The following ZNF66 variants were observed in gnomAD, a reference collection of about 807,000 sequenced individuals.
ZNF66 encodes zinc finger protein 66.
In ZNF66, 32 loss-of-function variants were observed where a neutral mutation model predicts 35.2. That is an observed-to-expected ratio of 0.91 (90% CI 0.69 to 1.22). The LOEUF is 1.22. ZNF66 is among the 50% of genes most tolerant of loss of function. The pLI, the probability that ZNF66 is intolerant of heterozygous loss-of-function variation, is 0.00. For synonymous variants in ZNF66, 231 were observed against 181.3 expected (o/e 1.27, Z -2.20); for missense variants, 666 against 543.1 (o/e 1.23, Z -2.25).
rs1038757534 is a variant in ZNF66 at position 20,809,045 on chromosome 19, C to T, written c.*1723C>T. On this transcript the variant is annotated 3_prime_UTR_variant, in exon 4 of 4. Coordinates refer to ENST00000344519, the MANE Select transcript of ZNF66 (RefSeq NM_001355197.2). ...AGAACTACGTGAAGAATGCAGAAGC[C>T]TCAGGAGCCAATGCGATCAACTGGA... 1.3e-5 allele frequency among the ~76,000 whole-genome samples: 2 copies of T among 152,162 alleles called. No homozygotes were observed. Among genetic ancestry groups the T allele is most frequent in the African/African-American group, 4.8e-5 (2 of 41,514 alleles).
At chr19:20,795,490 C>T (rs1206920998) in intron 3 of ZNF66, among the ~76,000 whole-genome samples, 3 of 151,786 alleles carry the variant, frequency 2.0e-5, no homozygotes, top group African/African-American at 7.3e-5. Flanking sequence ...GCCTCAGCCT[C>T]CCAAGTAGCT....
intron 3 of ZNF66, among the ~76,000 whole-genome samples, chr19:20,803,467 C>T (rs778492591): frequency 1.3e-5 from 2 of 151,932 alleles, no homozygotes; most frequent in Non-Finnish European, 2.9e-5. Context: ...ACTTCAGTTT[C>T]ATACAAAAAT....
At chr19:20,781,783 C>A (rs1971247607) in intron 1 of ZNF66, among the ~76,000 whole-genome samples, 1 of 152,110 alleles carries the variant, frequency 6.6e-6, no homozygotes, top group Non-Finnish European at 1.5e-5. Flanking sequence ...GCTGGGATTA[C>A]AGGTGTGAGC....
At chr19:20,795,215 T>C (rs1399330856) in intron 3 of ZNF66, among the ~76,000 whole-genome samples, 1 of 151,748 alleles carries the variant, frequency 6.6e-6, no homozygotes, top group Non-Finnish European at 1.5e-5. Flanking sequence ...TGCCACATAC[T>C]TCCATCACTA....
intron 1 of ZNF66, among the ~76,000 whole-genome samples, chr19:20,780,488 T>G (rs1312038098): frequency 6.6e-6 from 1 of 152,144 alleles, no homozygotes; most frequent in Non-Finnish European, 1.5e-5. Context: ...ACTAACAAGT[T>G]TTTAAACAGT....
At chr19:20,802,602 A>C (rs189230253) in intron 3 of ZNF66, among the ~76,000 whole-genome samples, 194 of 152,340 alleles carry the variant, frequency 1.3e-3, no homozygotes, top group African/African-American at 4.4e-3. Context: ...TTTTTGGCCT[A>C]ACTTGTGGTC....
chr19:20,809,453 G>T lies in ZNF66; in HGVS notation c.*2131G>T, dbSNP rs1053629626. Among the ~76,000 whole-genome samples the T allele has an allele frequency of 9.2e-5, 14 of 152,108 alleles. No individual in the cohort carries two copies. Among genetic ancestry groups the T allele is most frequent in the Non-Finnish European group, 1.9e-4 (13 of 68,028 alleles). On this transcript the variant is annotated 3_prime_UTR_variant, in exon 4 of 4. Coordinates refer to ENST00000344519, the MANE Select transcript of ZNF66 (RefSeq NM_001355197.2). ...GAGAAAGGTCGGGTTACCCACAAAG[G>T]GAAGCCCATCAGACTCACAGCTGAC...
chr19:20,793,086 G>A (rs1205600971), intron 2 of ZNF66, among the ~76,000 whole-genome samples: 5 of 147,684 alleles, frequency 3.4e-5, no homozygotes, highest in African/African-American at 1.3e-4. Context: ...AAAAAAAAAA[G>A]AAAGAAAAAA....
chr19:20,806,731 C>T lies in ZNF66; in HGVS notation c.1131C>T (p.Ala377=). ...KPYKCEECGE[A]FKYSCSLTAH... Reference sequence around the variant, plus strand: ...ACAAATGTGAAGAATGTGGTGAAGCCTTTAAGTACTCCTGTTCCCTTACTG... The same window carrying T: ...ACAAATGTGAAGAATGTGGTGAAGCTTTTAAGTACTCCTGTTCCCTTACTG... The change falls in exon 4 of 4, where the codon GCC becomes GCT. Residue 377 remains alanine (A), a synonymous_variant. Transcript: ENST00000344519. The T allele has an allele frequency of 7.2e-7, 1 of 1,385,642 alleles. No individual in the cohort carries two copies. Among genetic ancestry groups the T allele is most frequent in the South Asian group, 1.2e-5 (1 of 86,168 alleles). The allele number at this position is 1,385,642 out of a possible 1,614,324, so 85.8% of individuals were successfully genotyped here.
chr19:20,795,971 G>A (rs1329857413), intron 3 of ZNF66, among the ~76,000 whole-genome samples: 3 of 152,116 alleles, frequency 2.0e-5, no homozygotes, highest in African/African-American at 7.2e-5. Context: ...CTGACTAAGG[G>A]CAGGTTCTCT....
At chr19:20,795,339 T>G (rs547842168) in intron 3 of ZNF66, among the ~76,000 whole-genome samples, 19 of 152,128 alleles carry the variant, frequency 1.2e-4, no homozygotes, top group African/African-American at 4.6e-4. Context: ...AGCATTTCCT[T>G]AGGGAACTGT....
intron 1 of ZNF66, among the ~76,000 whole-genome samples, chr19:20,791,485 C>CAAAA (rs35269524): frequency 3.5e-5 from 2 of 57,344 alleles, no homozygotes; most frequent in Admixed American, 1.8e-4. Context: ...GACTTAATCT[C>CAAAA]AAAAAAAAAA....
At chr19:20,800,423 T>C (rs757419738) in intron 3 of ZNF66, among the ~76,000 whole-genome samples, 2 of 152,206 alleles carry the variant, frequency 1.3e-5, no homozygotes, top group Non-Finnish European at 1.5e-5. Context: ...CTATGAAGCC[T>C]ATTTGGTCTA....
At chr19:20,801,475 C>G (rs1017190969) in intron 3 of ZNF66, among the ~76,000 whole-genome samples, 1 of 151,964 alleles carries the variant, frequency 6.6e-6, no homozygotes, top group African/African-American at 2.4e-5. Flanking sequence ...TTCCAAGTAG[C>G]TGGGATTACA....
Position 20,793,327 on chromosome 19 carries a change from C to CTTTTTTTTTTTTTTTTTT in ZNF66, c.131-452_131-451insTTTTTTTTTTTTTTTTTT, listed in dbSNP as rs879637768. On this transcript the variant is annotated intron_variant, in intron 2 of 3. Coordinates refer to ENST00000344519, the MANE Select transcript of ZNF66 (RefSeq NM_001355197.2). ...CTTTTCTTTTCTTTTCTTTTCTTTTCTTTTCTTTTTTTTTTTTTTTTGAGA... is the reference window on the plus strand; with the variant it reads ...CTTTTCTTTTCTTTTCTTTTCTTTTCTTTTTTTTTTTTTTTTTTTTTTCTTTTTTTTTTTTTTTTGAGA... Among the ~76,000 whole-genome samples the CTTTTTTTTTTTTTTTTTT allele has an allele frequency of 9.2e-4, 69 of 74,712 alleles. 5 individuals carry two copies. Among genetic ancestry groups the CTTTTTTTTTTTTTTTTTT allele is most frequent in the South Asian group, 1.6e-3 (3 of 1,870 alleles). The allele number at this position is 74,712 out of a possible 152,430, so 49.0% of individuals were successfully genotyped here.
chr19:20,779,511 CTT>C (rs1044829473), intron 1 of ZNF66, among the ~76,000 whole-genome samples: 1 of 151,550 alleles, frequency 6.6e-6, no homozygotes, highest in African/African-American at 2.4e-5. Flanking sequence ...GGGAAATAAA[CTT>C]AAGAAAAGTA....
chr19:20,788,297 A>G (rs2144897975), intron 1 of ZNF66, among the ~76,000 whole-genome samples: 1 of 151,670 alleles, frequency 6.6e-6, no homozygotes, highest in African/African-American at 2.4e-5. Context: ...TATGCATCAT[A>G]TGGTTGGTAC....
At chr19:20,792,248 T>A (rs1270052774) in intron 1 of ZNF66, among the ~76,000 whole-genome samples, 2 of 152,224 alleles carry the variant, frequency 1.3e-5, no homozygotes, top group Admixed American at 6.5e-5. Context: ...AAAATGTACA[T>A]GTTTGTGTTC....
chr19:20,806,713 T>G lies in ZNF66; in HGVS notation c.1113T>G (p.Cys371Trp). 1 of 1,444,304 alleles carries G rather than the reference T, an allele frequency of 6.9e-7. No individual in the cohort carries two copies. Among genetic ancestry groups the G allele is most frequent in the Non-Finnish European group, 9.7e-7 (1 of 1,028,074 alleles). The allele number at this position is 1,444,304 out of a possible 1,614,324, so 89.5% of individuals were successfully genotyped here. A position where few individuals can be genotyped will look rare whatever the true frequency, so the allele number is the denominator to read the frequency against. The change falls in exon 4 of 4, where the codon TGT becomes TGG. Residue 371 changes from cysteine to tryptophan, a missense_variant. Physicochemically the swap from Cys to Trp is radical, Grantham distance 215. Transcript: ENST00000344519. ...ATACTGGAGAGAAACCCTACAAATGTGAAGAATGTGGTGAAGCCTTTAAGT... is the reference window on the plus strand; with the variant it reads ...ATACTGGAGAGAAACCCTACAAATGGGAAGAATGTGGTGAAGCCTTTAAGT... ...IIHTGEKPYK[C>W]EECGEAFKYS...
Sources: allele counts gnomAD v4.1 joint callset (sites outside exome capture counted in the v4.1 genomes callset), GRCh38; gene constraint gnomAD v4.1.1; transcripts MANE v1.5; gene names NCBI Gene and HGNC (gene_info 2026-07-23, HGNC 2026-07-21).